GALNT17: variants seen among roughly 807,000 people sequenced by gnomAD.
GALNT17 encodes the protein UDP-GalNAc:polypeptide N-acetylgalactosaminyltransferase-like 3.
Under a neutral mutation model 63.7 loss-of-function variants are expected in GALNT17, and 29 were observed. The observed-to-expected ratio is 0.46, with a 90% CI of 0.34 to 0.62. GALNT17 has a LOEUF of 0.62. Ranked by LOEUF, GALNT17 falls within the 20% of genes least tolerant of loss-of-function variation. GALNT17 has a pLI of 0.01. For missense variants in GALNT17, 603 were observed against 799.6 expected (o/e 0.75, Z 2.97); for synonymous variants, 305 against 318.3 (o/e 0.96, Z 0.45).
chr7:71,182,163 G>A (rs528608606), intron 1 of GALNT17, among the ~76,000 whole-genome samples: 2 of 152,182 alleles, frequency 1.3e-5, no homozygotes, highest in Non-Finnish European at 2.9e-5. Flanking sequence ...CATCAAGAGC[G>A]AAACTCCATC....
rs970001950 is a variant in GALNT17 at position 71,222,374 on chromosome 7, C to A, written c.238+89334C>A. Among the ~76,000 whole-genome samples the A allele has an allele frequency of 3.3e-5, 5 of 152,086 alleles. No individual in the cohort carries two copies. In the East Asian group the frequency reaches 9.7e-4, roughly 29 times the overall value. ...GTGGCTCGATCTCGGCTCACTGCAA[C>A]CTCTGCCTCCCAGGCTCAAATGATT... On this transcript the variant is annotated intron_variant, in intron 1 of 10. Transcript: ENST00000333538.
At chr7:71,585,844 C>T (rs1789708296) in intron 6 of GALNT17, among the ~76,000 whole-genome samples, 1 of 152,022 alleles carries the variant, frequency 6.6e-6, no homozygotes, top group African/African-American at 2.4e-5. Context: ...CTGAGAAAGT[C>T]CCTTTTTCCT....
intron 5 of GALNT17, among the ~76,000 whole-genome samples, chr7:71,428,870 A>T (rs1786809431): frequency 6.6e-6 from 1 of 152,126 alleles, no homozygotes; most frequent in African/African-American, 2.4e-5. Context: ...TGTGTTCCAG[A>T]GGGCACGTTC....
At chr7:71,397,903 T>G (rs1030910373) in intron 3 of GALNT17, among the ~76,000 whole-genome samples, 2 of 152,136 alleles carry the variant, frequency 1.3e-5, no homozygotes, top group African/African-American at 4.8e-5. Context: ...AGATGTTGCC[T>G]TCTTTCAGAA....
chr7:71,215,660 A>G (rs1386741835), intron 1 of GALNT17, among the ~76,000 whole-genome samples: 1 of 152,030 alleles, frequency 6.6e-6, no homozygotes, highest in Non-Finnish European at 1.5e-5. Flanking sequence ...CCCAGATACT[A>G]TGTCATGTCA....
intron 2 of GALNT17, among the ~76,000 whole-genome samples, chr7:71,337,585 G>T (rs1791931126): frequency 6.6e-6 from 1 of 152,058 alleles, no homozygotes; most frequent in South Asian, 2.1e-4. Flanking sequence ...AAAGCGTGAG[G>T]CTGGCAGGGC....
chr7:71,621,358 G>A (rs1322718060), intron 6 of GALNT17, among the ~76,000 whole-genome samples: 3 of 152,200 alleles, frequency 2.0e-5, no homozygotes, highest in Admixed American at 6.5e-5. Context: ...CATCTATGTC[G>A]ATTTTATTCA....
chr7:71,144,164 A>G (rs1014374953), intron 1 of GALNT17, among the ~76,000 whole-genome samples: 11 of 151,780 alleles, frequency 7.2e-5, no homozygotes, highest in African/African-American at 2.4e-4. Flanking sequence ...CCAGCCCCCA[A>G]CCCTACCACT....
intron 9 of GALNT17, among the ~76,000 whole-genome samples, chr7:71,684,736 C>T (rs186794401): frequency 3.1e-4 from 47 of 152,206 alleles, no homozygotes; most frequent in Admixed American, 5.2e-4. Flanking sequence ...AATCATAGCT[C>T]GCTGCAGCCT....
At chr7:71,639,166 C>T (rs898914842) in intron 6 of GALNT17, among the ~76,000 whole-genome samples, 6 of 151,980 alleles carry the variant, frequency 3.9e-5, no homozygotes, top group African/African-American at 1.2e-4. Flanking sequence ...GATTATTATG[C>T]GTTACATGCC....
At chr7:71,309,976 C>CCCAT (rs1791386975) in intron 1 of GALNT17, among the ~76,000 whole-genome samples, 1 of 152,066 alleles carries the variant, frequency 6.6e-6, no homozygotes, top group Non-Finnish European at 1.5e-5. Flanking sequence ...CCATGCTGTT[C>CCCAT]TCGTGATAGC....
intron 5 of GALNT17, among the ~76,000 whole-genome samples, chr7:71,530,659 C>T (rs1476915618): frequency 6.6e-6 from 1 of 152,092 alleles, no homozygotes; most frequent in Non-Finnish European, 1.5e-5. Flanking sequence ...CTCCTGCCTC[C>T]TGGGTTCACA....
intron 5 of GALNT17, among the ~76,000 whole-genome samples, chr7:71,478,344 C>T (rs1787757994): frequency 6.6e-6 from 1 of 152,048 alleles, no homozygotes; most frequent in African/African-American, 2.4e-5. Flanking sequence ...CAGTGTCTCA[C>T]TCTGTTACCC....
intron 2 of GALNT17, among the ~76,000 whole-genome samples, chr7:71,365,600 A>G (rs1260313101): frequency 6.6e-6 from 1 of 152,248 alleles, no homozygotes; most frequent in African/African-American, 2.4e-5. Context: ...CATAGTAAGC[A>G]CTGTATTGAA....
intron 1 of GALNT17, among the ~76,000 whole-genome samples, chr7:71,305,385 C>T (rs1192990323): frequency 1.3e-5 from 2 of 152,176 alleles, no homozygotes; most frequent in Non-Finnish European, 2.9e-5. Flanking sequence ...AATCCAGCTG[C>T]AGGCTAAAGC....
At chr7:71,499,619 A>G (rs1486352975) in intron 5 of GALNT17, among the ~76,000 whole-genome samples, 1 of 152,196 alleles carries the variant, frequency 6.6e-6, no homozygotes, top group East Asian at 1.9e-4. Flanking sequence ...CCTTACACTC[A>G]GAATGTGTTG....
chr7:71,609,205 G>A (rs1457397360), intron 6 of GALNT17, among the ~76,000 whole-genome samples: 2 of 152,278 alleles, frequency 1.3e-5, no homozygotes, highest in Admixed American at 1.3e-4. Context: ...TATTTCCCCG[G>A]CATTGGTTCG....
chr7:71,636,991 G>T (rs2116999938), intron 6 of GALNT17, among the ~76,000 whole-genome samples: 1 of 152,278 alleles, frequency 6.6e-6, no homozygotes. Context: ...CTGGGATGGA[G>T]TCGGATGACT....
rs148360382 is a variant in GALNT17, at chr7:71,319,088, TTTTG to T, written c.239-16458_239-16455del. ...CCACATCCTCAGCTTGCTGAGCTATTTTTGTTTATCTTTCTTTCTTTCTTTCTTT... is the reference window on the plus strand; with the variant it reads ...CCACATCCTCAGCTTGCTGAGCTATTTTTATCTTTCTTTCTTTCTTTCTTT... On this transcript the variant is annotated intron_variant, in intron 1 of 10. Coordinates refer to ENST00000333538, the MANE Select transcript of GALNT17 (RefSeq NM_022479.3). Among the ~76,000 whole-genome samples, 568 of 133,930 alleles carry T rather than the reference TTTTG, an allele frequency of 4.2e-3. 8 individuals are homozygous for T. The highest frequency in any genetic ancestry group is 0.019 in the African/African-American group (536 of 28,034). The allele number at this position is 133,930 out of a possible 152,430, so 87.9% of individuals were successfully genotyped here. A position where few individuals can be genotyped will look rare whatever the true frequency, so the allele number is the denominator to read the frequency against.
Sources: gnomAD v4.1 joint callset for allele counts (sites outside exome capture counted in the v4.1 genomes callset) on GRCh38, gnomAD v4.1.1 for gene constraint, MANE v1.5 for transcripts, NCBI Gene and HGNC (gene_info 2026-07-23, HGNC 2026-07-21) for gene names.